TF: variants seen among roughly 807,000 people sequenced by gnomAD.
TF encodes the protein serotransferrin.
A neutral mutation model predicts 82.4 loss-of-function variants in TF; 55 were observed. The observed-to-expected ratio is 0.67, with a 90% CI of 0.54 to 0.84. The LOEUF is 0.84. Among genes scored for constraint, TF ranks in the 40% least tolerant of loss-of-function variants. The probability of loss-of-function intolerance (pLI) is 0.00; values close to 1 mark genes in which losing one functional copy is unlikely to be tolerated. For synonymous variants in TF, 332 were observed against 332.6 expected (o/e 1.00, Z 0.02); for missense variants, 737 against 868.4 (o/e 0.85, Z 1.90).
the TF span, among the ~76,000 whole-genome samples, chr3:133,737,667 A>C: frequency 6.6e-6 from 1 of 152,314 alleles, no homozygotes; most frequent in East Asian, 1.9e-4. Context: ...AACAACCATC[A>C]GAGAATACTA....
the TF span, among the ~76,000 whole-genome samples, chr3:133,677,267 G>T: frequency 6.6e-6 from 1 of 152,220 alleles, no homozygotes; most frequent in African/African-American, 2.4e-5. Flanking sequence ...CATATGGCCA[G>T]TGCTTTTAGT....
intron 12 of TF, 137 bp downstream of exon 12, chr3:133,766,570 A>C: frequency 8.2e-7 from 1 of 1,216,808 alleles, no homozygotes; most frequent in South Asian, 1.4e-5. Flanking sequence ...GAACAGTAGA[A>C]TTTGCTGTCC....
chr3:133,792,197 T>A lies in TF; in HGVS notation c.*13577T>A, dbSNP rs1934856223. 1 of 152,158 alleles carries A rather than the reference T, an allele frequency of 6.6e-6. No individual in the cohort carries two copies. Among genetic ancestry groups the A allele is most frequent in the Non-Finnish European group, 1.5e-5 (1 of 68,036 alleles). 9.4% of individuals were successfully genotyped at this position (152,158 alleles called of 1,614,324 possible). ...TGTCCCCTAGCTATGCAAAGAAGGT[T>A]ATAAAGAAAGGAGATTTTATATAAG... On this transcript the variant is annotated 3_prime_UTR_variant, in exon 17 of 17. Transcript: ENST00000402696.
At chr3:133,695,245 C>CTTTTTT in the TF span, among the ~76,000 whole-genome samples, 2 of 100,340 alleles carry the variant, frequency 2.0e-5, no homozygotes, top group African/African-American at 3.9e-5. Flanking sequence ...GGAGCTGGTT[C>CTTTTTT]TTTTTTTTTT....
chr3:133,667,877 C>T, the TF span, among the ~76,000 whole-genome samples: 2 of 152,138 alleles, frequency 1.3e-5, no homozygotes, highest in Non-Finnish European at 2.9e-5. Flanking sequence ...GGGCTTTCTG[C>T]CCCACTCCCC....
At chr3:133,674,116 G>T in the TF span, among the ~76,000 whole-genome samples, 1 of 152,228 alleles carries the variant, frequency 6.6e-6, no homozygotes, top group African/African-American at 2.4e-5. Context: ...TTGGGTATAT[G>T]AGAGCGCGTG....
the TF span, among the ~76,000 whole-genome samples, chr3:133,730,544 C>A: frequency 4.6e-5 from 7 of 152,174 alleles, no homozygotes; most frequent in Non-Finnish European, 7.3e-5. Context: ...AGCCTGTAGA[C>A]CCTGGTCCAA....
chr3:133,746,631 A>C, intron 1 of TF, 148 bp downstream of exon 1: 1 of 857,216 alleles, frequency 1.2e-6, no homozygotes, highest in East Asian at 2.7e-5. Context: ...TCTACGCCCC[A>C]CCCCTGGCCT....
At chr3:133,736,631 C>CAAAAAAGAAAAAAAAAAAAA in the TF span, among the ~76,000 whole-genome samples, 47 of 32,562 alleles carry the variant, frequency 1.4e-3, 6 homozygotes, top group East Asian at 6.2e-3. Flanking sequence ...AATGGAAAGC[C>CAAAAAAGAAAAAAAAAAAAA]AAAAAAAAAA....
At chr3:133,768,185 A>G in intron 13 of TF, 21 bp downstream of exon 13, 1 of 1,614,092 alleles carries the variant, frequency 6.2e-7, no homozygotes, top group South Asian at 1.1e-5. Context: ...TAACCCTGAA[A>G]CAAATAGAAT....
At chr3:133,679,255 G>A in the TF span, among the ~76,000 whole-genome samples, 80,445 of 151,994 alleles carry the variant, frequency 0.53, 22,175 homozygotes, top group African/African-American at 0.69. Context: ...CTCCTGGGCT[G>A]AAGTGATTCT....
At position 133,746,503 on chromosome 3, in the gene TF, A is replaced by G; in HGVS notation, c.43+20A>G. 6.3e-7 allele frequency: 1 copy of G among 1,590,396 alleles called. No individual in the cohort carries two copies. Among genetic ancestry groups the G allele is most frequent in the African/African-American group, 1.3e-5 (1 of 74,654 alleles). On this transcript the variant is annotated intron_variant, in intron 1 of 16. Transcript: ENST00000402696. ...TCCTGGGTGAGTGCGGGCACGGGGT[A>G]GCACCGCAGAGTCGCTGGCCCGCGC... is the stretch of plus-strand genomic sequence containing the variant.
In TF at chr3:133,777,469, A is replaced by G; in HGVS notation, c.2062+231A>G. 3.5e-5 allele frequency: 19 copies of G among 540,384 alleles called. 1 individual carries two copies. The South Asian group carries it at 4.0e-4, about 11-fold the overall frequency. 33.5% of individuals were successfully genotyped at this position (540,384 alleles called of 1,614,324 possible). On this transcript the variant is annotated intron_variant, in intron 16 of 16. Transcript: ENST00000402696. ...CTAAGGTAGTGAACTTATTGGGTAT[A>G]GAGAATTCCATCTTATTTCTAAGAA...
Position 133,764,298 on chromosome 3 carries a change from CTG to C in TF, c.1297+27_1297+28del, listed in dbSNP as rs761440287. On this transcript the variant is annotated intron_variant, in intron 10 of 16. Coordinates refer to ENST00000402696, the MANE Select transcript of TF (RefSeq NM_001063.4). ...ATAGTAAGTGGTGGGGAGCACCTCT[CTG>C]TGTTTTCTTCCCTCAGGGCCATGGA... is the stretch of plus-strand genomic sequence containing the variant. 4 of 1,578,702 alleles carry C rather than the reference CTG, an allele frequency of 2.5e-6. No homozygotes were observed. The African/African-American group carries it at 5.4e-5, about 21-fold the overall frequency.
intron 2 of TF, among the ~76,000 whole-genome samples, chr3:133,752,462 A>G (rs1233179683): frequency 1.3e-5 from 2 of 152,204 alleles, no homozygotes; most frequent in Admixed American, 6.5e-5. Flanking sequence ...TGGAAAAATC[A>G]TTTTGATTAA....
the TF span, among the ~76,000 whole-genome samples, chr3:133,710,328 C>T: frequency 6.6e-6 from 1 of 152,230 alleles, no homozygotes; most frequent in South Asian, 2.1e-4. Context: ...AGCAGCTGAA[C>T]GTGGCTGGAG....
chr3:133,694,394 G>C, the TF span: 1 of 152,792 alleles, frequency 6.5e-6, no homozygotes, highest in African/African-American at 2.4e-5. Flanking sequence ...CTCCTCCTCA[G>C]CCTGATGTTG....
At chr3:133,776,976 G>T in intron 15 of TF, 73 bp from the exon 16 acceptor site, 1 of 1,405,538 alleles carries the variant, frequency 7.1e-7, no homozygotes, top group Non-Finnish European at 1.0e-6. Context: ...AGAGCTTTCA[G>T]ACTCTTCTCA....
chr3:133,731,231 C>T, the TF span, among the ~76,000 whole-genome samples: 1 of 152,152 alleles, frequency 6.6e-6, no homozygotes, highest in South Asian at 2.1e-4. Context: ...CTGAACAGAG[C>T]TGATTCAGCT....
Sources: allele counts gnomAD v4.1 joint callset (sites outside exome capture counted in the v4.1 genomes callset), GRCh38; gene constraint gnomAD v4.1.1; transcripts MANE v1.5; gene names NCBI Gene and HGNC (gene_info 2026-07-23, HGNC 2026-07-21).